CORO1C: variants seen among roughly 807,000 people sequenced by gnomAD.
The protein encoded by CORO1C is coronin 1C.
CORO1C carries 14 observed loss-of-function variants against 51.2 expected under a neutral mutation model. That is an observed-to-expected ratio of 0.27 (90% CI 0.18 to 0.43). CORO1C has a LOEUF of 0.43. Among genes scored for constraint, CORO1C ranks in the 20% least tolerant of loss-of-function variants. The pLI, the probability that CORO1C is intolerant of heterozygous loss-of-function variation, is 1.00. For missense variants in CORO1C, 417 were observed against 607.8 expected (o/e 0.69, Z 3.30); for synonymous variants, 181 against 210.5 (o/e 0.86, Z 1.21).
At position 108,658,906 on chromosome 12, in the gene CORO1C, G is replaced by A. The variant is rs749684362; in HGVS notation, c.462C>T (p.Ala154=). ...NVLLSAGCDN[A]IIIWNVGTGE... Reference sequence around the variant, plus strand: ...CTGTTCCCACATTCCAGATGATAATGGCATTATCACAGCCTAAAACAGGCA... The same window carrying A: ...CTGTTCCCACATTCCAGATGATAATAGCATTATCACAGCCTAAAACAGGCA... The change falls in exon 5 of 11, where the codon GCC becomes GCT. Residue 154 remains alanine (A), a synonymous_variant. Transcript: ENST00000261401. The surrounding 1 kb of genome is among the most constrained non-coding windows in gnomAD (Gnocchi z 4.9). 36 of 1,607,174 alleles carry A rather than the reference G, an allele frequency of 2.2e-5. No homozygotes were observed. Among genetic ancestry groups the A allele is most frequent in the Non-Finnish European group, 3.0e-5 (35 of 1,174,220 alleles).
At chr12:108,713,937 T>C (rs2035256017) in intron 1 of CORO1C, among the ~76,000 whole-genome samples, 1 of 152,086 alleles carries the variant, frequency 6.6e-6, no homozygotes, top group African/African-American at 2.4e-5. Context: ...TTTATAAATA[T>C]GAGTAAAAAT....
chr12:108,647,912 G>A (rs1012372098), intron 10 of CORO1C, among the ~76,000 whole-genome samples: 1 of 151,788 alleles, frequency 6.6e-6, no homozygotes, highest in African/African-American at 2.4e-5. Flanking sequence ...ACCAGAGAGA[G>A]GGGTGACTCT....
At position 108,683,045 on chromosome 12, in the gene CORO1C, GA is replaced by G. The variant is rs1304169472; in HGVS notation, c.196-4652del. On this transcript the variant is annotated intron_variant, in intron 2 of 10. Coordinates refer to ENST00000261401, the MANE Select transcript of CORO1C (RefSeq NM_014325.4). ...TGGACAGTCTTAAATGCATATAGTA[GA>G]AAAGACTGAAAATTAATGCATTGAG... 4.6e-5 allele frequency among the ~76,000 whole-genome samples: 7 copies of G among 152,236 alleles called. No individual in the cohort carries two copies. The South Asian group carries it at 1.5e-3, about 32-fold the overall frequency.
intron 2 of CORO1C, among the ~76,000 whole-genome samples, chr12:108,684,391 G>A (rs2034229482): frequency 6.6e-6 from 1 of 152,154 alleles, no homozygotes; most frequent in Non-Finnish European, 1.5e-5. Context: ...AGGTAGAGGT[G>A]AGGAAGTCCA....
intron 2 of CORO1C, among the ~76,000 whole-genome samples, chr12:108,692,809 T>TC (rs2034543015): frequency 6.7e-6 from 1 of 149,688 alleles, no homozygotes; most frequent in Non-Finnish European, 1.5e-5. Context: ...TTTTTTTTTT[T>TC]TTTTTTGAGA....
intron 3 of CORO1C, among the ~76,000 whole-genome samples, chr12:108,672,049 C>T (rs1479156575): frequency 6.6e-6 from 1 of 152,186 alleles, no homozygotes; most frequent in Non-Finnish European, 1.5e-5. Context: ...AGGTGTGAGG[C>T]ACTGTCCCTG....
Position 108,700,284 on chromosome 12 carries a change from AAGC to A in CORO1C, c.195+837_195+839del, listed in dbSNP as rs1278834698. 2.6e-5 allele frequency among the ~76,000 whole-genome samples: 4 copies of A among 152,072 alleles called. No individual in the cohort carries two copies. The East Asian group carries it at 7.7e-4, about 29-fold the overall frequency. ...CTCACCAAACTCATTTTCCTCCTAA[AAGC>A]TAACTAGAAAACAACTGTTTCTAGG... On this transcript the variant is annotated intron_variant, in intron 2 of 10. Transcript: ENST00000261401.
chr12:108,719,948 G>T (rs2035436576), intron 1 of CORO1C, among the ~76,000 whole-genome samples: 1 of 152,180 alleles, frequency 6.6e-6, no homozygotes, highest in Non-Finnish European at 1.5e-5. Context: ...ACTTTGGGAG[G>T]CTGAGGCGAG....
At position 108,646,178 on chromosome 12, in the gene CORO1C, T is replaced by G. The variant is rs1188275297; in HGVS notation, c.*1225A>C. ...ACCCTCTGGCCTTGTCTTAGCTTAA[T>G]GTGGTTAGAGCTAAAAGGCAGGAAG... On this transcript the variant is annotated 3_prime_UTR_variant, in exon 11 of 11. Transcript: ENST00000261401. The G allele has an allele frequency of 6.6e-6, 1 of 152,284 alleles. No homozygotes were observed. The highest frequency in any genetic ancestry group is 1.5e-5 in the Non-Finnish European group (1 of 68,114). 9.4% of individuals were successfully genotyped at this position (152,284 alleles called of 1,614,324 possible).
At position 108,678,391 on chromosome 12, in the gene CORO1C, C is replaced by T; in HGVS notation, c.199G>A (p.Gly67Ser). ...AFLVLPLHKT[G>S]RIDKSYPTVC... Reference sequence around the variant, plus strand: ...GTAGGGTAAGATTTGTCAATTCGACCAGTCTGAAAGAAGAGAGAAACAAAC... The same window carrying T: ...GTAGGGTAAGATTTGTCAATTCGACTAGTCTGAAAGAAGAGAGAAACAAAC... The change falls in exon 3 of 11, where the codon GGT becomes AGT. Residue 67 changes from glycine (G) to serine (S), a missense_variant. Gly to Ser is a moderately conservative substitution (Grantham distance 56). Transcript: ENST00000261401. 6.3e-7 allele frequency: 1 copy of T among 1,583,342 alleles called. No homozygotes were observed. Among genetic ancestry groups the T allele is most frequent in the Non-Finnish European group, 8.6e-7 (1 of 1,163,362 alleles).
chr12:108,701,559 G>GAAAC (rs1326814002), intron 1 of CORO1C: 3 of 552,418 alleles, frequency 5.4e-6, no homozygotes, highest in Non-Finnish European at 6.3e-6. Flanking sequence ...TCAAGATCCA[G>GAAAC]AAACAGCTCA....
rs763940504 is a variant in CORO1C, at chr12:108,683,322, G to A, written c.196-4928C>T. ...TAATTCCAGCTACTCAGGAGGCTGA[G>A]GCAGGAGAAGTGCTTGAACCTGAGA... On this transcript the variant is annotated intron_variant, in intron 2 of 10. Transcript: ENST00000261401. Among the ~76,000 whole-genome samples, 32 of 151,940 alleles carry A rather than the reference G, an allele frequency of 2.1e-4. 1 individual carries two copies. Among genetic ancestry groups the A allele is most frequent in the Non-Finnish European group, 1.9e-4 (13 of 67,994 alleles).
rs1425772222 is a variant in CORO1C, at chr12:108,713,107, T to C, written c.-5-11784A>G. ...AGAAAAAAAAACATGCCTTACCTAT[T>C]TTAATAGAAGCTGTTTTTAAAAGAG... On this transcript the variant is annotated intron_variant, in intron 1 of 10. Coordinates refer to ENST00000261401, the MANE Select transcript of CORO1C (RefSeq NM_014325.4). 8.5e-5 allele frequency among the ~76,000 whole-genome samples: 13 copies of C among 152,290 alleles called. 1 individual carries two copies. In the South Asian group the frequency reaches 2.1e-3, roughly 24 times the overall value.
intron 1 of CORO1C, among the ~76,000 whole-genome samples, chr12:108,704,220 G>A (rs1354082312): frequency 2.6e-5 from 4 of 152,154 alleles, no homozygotes; most frequent in Admixed American, 6.5e-5. Context: ...GCTCACACCT[G>A]TAATCCCAGC....
intron 8 of CORO1C, among the ~76,000 whole-genome samples, chr12:108,650,230 C>T (rs866535648): frequency 1.4e-5 from 2 of 146,426 alleles, no homozygotes; most frequent in Middle Eastern, 3.5e-3. Context: ...GCTCCATCGC[C>T]CAGGCTGGAG....
intron 1 of CORO1C, among the ~76,000 whole-genome samples, chr12:108,705,531 C>CT (rs1169804866): frequency 6.7e-6 from 1 of 150,260 alleles, no homozygotes; most frequent in African/African-American, 2.4e-5. Flanking sequence ...GATGACTTCA[C>CT]TGCTAAAGTC....
chr12:108,707,982 A>T (rs1341280034), intron 1 of CORO1C, among the ~76,000 whole-genome samples: 1 of 152,234 alleles, frequency 6.6e-6, no homozygotes, highest in Non-Finnish European at 1.5e-5. Flanking sequence ...GAGAGTAACA[A>T]GGGTTGATGA....
intron 1 of CORO1C, among the ~76,000 whole-genome samples, chr12:108,716,169 T>C (rs2035333282): frequency 1.4e-5 from 2 of 147,638 alleles, no homozygotes; most frequent in Admixed American, 1.4e-4. Flanking sequence ...TCCTTGAATA[T>C]GTTTCTAAAC....
At chr12:108,691,129 T>C (rs1395058824) in intron 2 of CORO1C, among the ~76,000 whole-genome samples, 1 of 152,136 alleles carries the variant, frequency 6.6e-6, no homozygotes, top group Non-Finnish European at 1.5e-5. Context: ...TTGGGCTCCA[T>C]GGCTGAGTCA....
Sources: allele counts gnomAD v4.1 joint callset (sites outside exome capture counted in the v4.1 genomes callset), GRCh38; gene constraint gnomAD v4.1.1; non-coding constraint Gnocchi (gnomAD v3.1); transcripts MANE v1.5; gene names NCBI Gene and HGNC (gene_info 2026-07-23, HGNC 2026-07-21).